Variants in LRRC3B observed in about 807,000 individuals in gnomAD.
LRRC3B encodes leucine-rich repeat-containing protein 3B.
In LRRC3B, 2 loss-of-function variants were observed where a neutral mutation model predicts 12.8. The observed-to-expected ratio is 0.16, with a 90% CI of 0.06 to 0.49. LRRC3B has a LOEUF of 0.49. Ranked by LOEUF, LRRC3B falls within the 20% of genes least tolerant of loss-of-function variation. LRRC3B has a pLI of 0.96. For synonymous variants in LRRC3B, 132 were observed against 122.0 expected, an observed-to-expected ratio of 1.08 and a Z score of -0.54; for missense variants, 189 against 319.4, an observed-to-expected ratio of 0.59 and a Z score of 3.11.
At chr3:26,660,725 A>G (rs1381953921) in intron 1 of LRRC3B, among the ~76,000 whole-genome samples, 3 of 152,202 alleles carry the variant, frequency 2.0e-5, no homozygotes, top group Non-Finnish European at 2.9e-5. Context: ...TGTAAAAAAA[A>G]TCAAGACACT....
intron 1 of LRRC3B, among the ~76,000 whole-genome samples, chr3:26,696,276 G>A (rs372563486): frequency 6.6e-6 from 1 of 152,166 alleles, no homozygotes; most frequent in Admixed American, 6.5e-5. Flanking sequence ...AGGCCTGGAA[G>A]AACAAAATAT....
intron 1 of LRRC3B, among the ~76,000 whole-genome samples, chr3:26,672,115 A>G (rs1158693182): frequency 2.0e-5 from 3 of 152,170 alleles, no homozygotes; most frequent in African/African-American, 7.2e-5. Context: ...TGAGGTGTTC[A>G]TTTATCATTT....
chr3:26,662,156 G>A (rs960873603), intron 1 of LRRC3B, among the ~76,000 whole-genome samples: 2 of 151,988 alleles, frequency 1.3e-5, no homozygotes, highest in African/African-American at 4.8e-5. Context: ...TGATAATTGA[G>A]TCATTTTTTC....
At chr3:26,629,181 C>G (rs1480431357) in intron 1 of LRRC3B, among the ~76,000 whole-genome samples, 2 of 149,236 alleles carry the variant, frequency 1.3e-5, no homozygotes, top group Non-Finnish European at 3.0e-5. Flanking sequence ...CTCCTCTACC[C>G]CTCCCCCTCC....
chr3:26,683,200 G>A (rs927784638), intron 1 of LRRC3B, among the ~76,000 whole-genome samples: 5 of 152,184 alleles, frequency 3.3e-5, no homozygotes, highest in African/African-American at 1.2e-4. Context: ...GAAGAGGGCA[G>A]CAGTTTAAAA....
At chr3:26,690,049 C>T (rs1700159558) in intron 1 of LRRC3B, among the ~76,000 whole-genome samples, 1 of 152,006 alleles carries the variant, frequency 6.6e-6, no homozygotes, top group South Asian at 2.1e-4. Flanking sequence ...TGTGACTCTG[C>T]ACAAAGCAAA....
intron 1 of LRRC3B, among the ~76,000 whole-genome samples, chr3:26,659,418 G>C (rs973761661): frequency 1.3e-5 from 2 of 152,132 alleles, no homozygotes; most frequent in Non-Finnish European, 2.9e-5. Flanking sequence ...TGCAAGGTGG[G>C]CCTAAGATGC....
At chr3:26,687,217 G>A (rs1700106099) in intron 1 of LRRC3B, among the ~76,000 whole-genome samples, 1 of 152,166 alleles carries the variant, frequency 6.6e-6, no homozygotes, top group African/African-American at 2.4e-5. Context: ...GGAAACAGTG[G>A]TTTTAAAGGT....
chr3:26,659,695 C>T (rs1186278525), intron 1 of LRRC3B, among the ~76,000 whole-genome samples: 1 of 151,946 alleles, frequency 6.6e-6, no homozygotes, highest in Non-Finnish European at 1.5e-5. Context: ...ACAAAAAAAA[C>T]CCTCTCTTCT....
chr3:26,685,371 G>A (rs1269173840), intron 1 of LRRC3B, among the ~76,000 whole-genome samples: 1 of 150,682 alleles, frequency 6.6e-6, no homozygotes, highest in African/African-American at 2.5e-5. Context: ...TTCAGTCTCT[G>A]CTTGTCAAAA....
At chr3:26,627,061 C>T (rs984155629) in intron 1 of LRRC3B, among the ~76,000 whole-genome samples, 3 of 152,190 alleles carry the variant, frequency 2.0e-5, no homozygotes, top group African/African-American at 7.2e-5. Flanking sequence ...ACTTGGGGCT[C>T]AGAAAGAGGA....
At chr3:26,658,591 T>A (rs1355055249) in intron 1 of LRRC3B, among the ~76,000 whole-genome samples, 1 of 152,228 alleles carries the variant, frequency 6.6e-6, no homozygotes, top group Non-Finnish European at 1.5e-5. Flanking sequence ...GGTCCTGTTC[T>A]TATCAAAGCC....
intron 1 of LRRC3B, among the ~76,000 whole-genome samples, chr3:26,661,584 C>T (rs974864335): frequency 1.9e-4 from 29 of 152,238 alleles, no homozygotes; most frequent in African/African-American, 6.3e-4. Flanking sequence ...TTAATGGCTA[C>T]ATAACATCAC....
chr3:26,652,784 A>G (rs6551121), intron 1 of LRRC3B, among the ~76,000 whole-genome samples: 64,555 of 151,978 alleles, frequency 0.42, 15,953 homozygotes, highest in African/African-American at 0.68. Flanking sequence ...ATTTAAAAGT[A>G]TAAAATTCTA....
intron 1 of LRRC3B, among the ~76,000 whole-genome samples, chr3:26,635,554 G>T (rs1033572386): frequency 3.9e-5 from 6 of 152,184 alleles, no homozygotes; most frequent in Non-Finnish European, 8.8e-5. Context: ...TGAGAAGGCG[G>T]CTGTCTGCAA....
rs1559366544 is a variant in LRRC3B, at chr3:26,685,509, C to CTT, written c.-160-24003_-160-24002insTT. 5.9e-5 allele frequency among the ~76,000 whole-genome samples: 3 copies of CTT among 51,150 alleles called. No individual in the cohort carries two copies. In the East Asian group the frequency reaches 2.0e-3, roughly 35 times the overall value. 33.6% of individuals were successfully genotyped at this position (51,150 alleles called of 152,430 possible). A position where few individuals can be genotyped will look rare whatever the true frequency, so the allele number is the denominator to read the frequency against. ...TCCCTCTCTCTCTCTCTCTCTCTCT[C>CTT]TCTCTCTCTCTCTCTATATATATAT... On this transcript the variant is annotated intron_variant, in intron 1 of 1. Coordinates refer to ENST00000396641, the Ensembl canonical transcript of LRRC3B.
chr3:26,670,628 A>ATTT (rs1699700638), intron 1 of LRRC3B, among the ~76,000 whole-genome samples: 1 of 152,192 alleles, frequency 6.6e-6, no homozygotes, highest in South Asian at 2.1e-4. Flanking sequence ...GCAAAGAAAC[A>ATTT]TTTGTTTCAT....
chr3:26,637,726 T>A (rs2125405596), intron 1 of LRRC3B, among the ~76,000 whole-genome samples: 1 of 152,312 alleles, frequency 6.6e-6, no homozygotes, highest in South Asian at 2.1e-4. Flanking sequence ...AGAATGATAT[T>A]TTTAAATTTA....
rs545303323 is a variant in LRRC3B at position 26,708,407 on chromosome 3, AAG to A, written c.-160-1101_-160-1100del. Among the ~76,000 whole-genome samples, 5 of 152,306 alleles carry A rather than the reference AAG, an allele frequency of 3.3e-5. No homozygotes were observed. The East Asian group carries it at 5.8e-4, about 18-fold the overall frequency. On this transcript the variant is annotated intron_variant, in intron 1 of 1. Transcript: ENST00000396641. Reference sequence around the variant, plus strand: ...ATACTTATAGAGTAGATGAGACTGGAAGAGAGTGTGTGGATAGTGGAAAGAGT... The same window carrying A: ...ATACTTATAGAGTAGATGAGACTGGAAGAGTGTGTGGATAGTGGAAAGAGT...
Sources: gnomAD v4.1 joint callset for allele counts (sites outside exome capture counted in the v4.1 genomes callset) on GRCh38, gnomAD v4.1.1 for gene constraint, MANE v1.5 for transcripts, NCBI Gene and HGNC (gene_info 2026-07-23, HGNC 2026-07-21) for gene names.